The following STAT4 variants were observed in gnomAD, a reference collection of about 807,000 sequenced individuals.
The protein encoded by STAT4 is signal transducer and activator of transcription 4.
A neutral mutation model predicts 110.5 loss-of-function variants in STAT4; 42 were observed. The observed-to-expected ratio is 0.38, with a 90% CI of 0.30 to 0.49. The LOEUF (loss-of-function observed/expected upper bound fraction) is 0.49. Among genes scored for constraint, STAT4 ranks in the 20% least tolerant of loss-of-function variants. The pLI, the probability that STAT4 is intolerant of heterozygous loss-of-function variation, is 0.95. For synonymous variants in STAT4, 284 were observed against 302.2 expected (o/e 0.94, Z 0.63); for missense variants, 632 against 887.9 (o/e 0.71, Z 3.66).
chr2:191,048,073 C>CA (rs1442175280), intron 14 of STAT4, among the ~76,000 whole-genome samples: 1 of 152,208 alleles, frequency 6.6e-6, no homozygotes, highest in East Asian at 1.9e-4. Context: ...ATATCAGGGT[C>CA]TTAAAAGTGT....
chr2:191,047,447 A>T (rs1372747762), intron 14 of STAT4, among the ~76,000 whole-genome samples: 2 of 152,152 alleles, frequency 1.3e-5, no homozygotes, highest in African/African-American at 4.8e-5. Flanking sequence ...GACTTGTGGG[A>T]CTAAGTCCTT....
Position 191,146,891 on chromosome 2 carries a change from T to C in STAT4, c.129-134A>G, listed in dbSNP as rs867038865. 1.2e-6 allele frequency: 1 copy of C among 840,162 alleles called. No individual in the cohort carries two copies. The allele number at this position is 840,162 out of a possible 1,614,324, so 52.0% of individuals were successfully genotyped here. ...TAAAAGTTTTAAAAAATTAAATTGT[T>C]AACATGAAGAGATGCTCAACATCAC... On this transcript the variant is annotated intron_variant, in intron 2 of 23. Transcript: ENST00000392320. The surrounding 1 kb of genome is among the most constrained non-coding windows in gnomAD (Gnocchi z 4.5).
rs1696520127 is a variant in STAT4 at position 191,051,470 on chromosome 2, G to A, written c.1251+3020C>T. On this transcript the variant is annotated intron_variant, in intron 14 of 23. Transcript: ENST00000392320. The surrounding 1 kb of genome is among the most constrained non-coding windows in gnomAD (Gnocchi z 5.6). ...GGAAATTGGGAGTTAGAGAGGCTAA[G>A]TGGCTTGTGCAAGCTCAGATTGCCT... Among the ~76,000 whole-genome samples, 1 of 152,242 alleles carries A rather than the reference G, an allele frequency of 6.6e-6. No individual in the cohort carries two copies.
In STAT4 at chr2:191,066,616, T is replaced by C. The variant is rs1338308748; in HGVS notation, c.545-101A>G. The C allele has an allele frequency of 3.7e-6, 4 of 1,068,214 alleles. No individual in the cohort carries two copies. Among genetic ancestry groups the C allele is most frequent in the Non-Finnish European group, 5.5e-6 (4 of 723,818 alleles). 66.2% of individuals were successfully genotyped at this position (1,068,214 alleles called of 1,614,324 possible). ...AAACAGCCCTGGCCCGGAGAACTTA[T>C]GTGGTAAGAGACTAATTGGGTTCAC... is the stretch of plus-strand genomic sequence containing the variant. On this transcript the variant is annotated intron_variant, in intron 6 of 23. Transcript: ENST00000392320. This position sits in a 1 kb window ranked among gnomAD's most constrained non-coding sequence, Gnocchi z 4.3.
rs1034981039 is a variant in STAT4 at position 191,051,353 on chromosome 2, C to G, written c.1251+3137G>C. Among the ~76,000 whole-genome samples the G allele has an allele frequency of 1.3e-5, 2 of 152,236 alleles. No homozygotes were observed. The highest frequency in any genetic ancestry group is 1.3e-4 in the Admixed American group (2 of 15,288). On this transcript the variant is annotated intron_variant, in intron 14 of 23. Transcript: ENST00000392320. This position sits in a 1 kb window ranked among gnomAD's most constrained non-coding sequence, Gnocchi z 5.6. Reference sequence around the variant, plus strand: ...GTAAATGCCATCACCAACATCTACACAGCCCACCACCACTGACTCACACAC... The same window carrying G: ...GTAAATGCCATCACCAACATCTACAGAGCCCACCACCACTGACTCACACAC...
intron 3 of STAT4, among the ~76,000 whole-genome samples, chr2:191,114,431 G>A (rs1288256963): frequency 6.6e-6 from 1 of 152,074 alleles, no homozygotes; most frequent in Non-Finnish European, 1.5e-5. Context: ...ATAGAATAGT[G>A]GTGAAAGCAA....
rs766986053 is a variant in STAT4, at chr2:191,031,552, AT to A, written c.2045-37del. The A allele has an allele frequency of 1.9e-6, 3 of 1,569,620 alleles. No homozygotes were observed. The highest frequency in any genetic ancestry group is 1.1e-5 in the South Asian group (1 of 88,210). ...AAAAGGCACAATGTTGGGGAAAAAA[AT>A]GTCAATATTATCAATAAAACTGGGG... On this transcript the variant is annotated intron_variant, in intron 21 of 23. Transcript: ENST00000392320. The surrounding 1 kb of genome is among the most constrained non-coding windows in gnomAD (Gnocchi z 4.8).
chr2:191,112,075 T>C lies in STAT4; in HGVS notation c.273+34538A>G, dbSNP rs1047402131. ...TATCTTGATTGTGATAATGGTTTCA[T>C]GGGTATACACTTATGTCAAAACTTG... On this transcript the variant is annotated intron_variant, in intron 3 of 23. Transcript: ENST00000392320. This position sits in a 1 kb window ranked among gnomAD's most constrained non-coding sequence, Gnocchi z 4.3. 1.3e-5 allele frequency among the ~76,000 whole-genome samples: 2 copies of C among 152,198 alleles called. No individual in the cohort carries two copies. The highest frequency in any genetic ancestry group is 2.1e-4 in the South Asian group (1 of 4,834).
chr2:191,117,761 G>A lies in STAT4; in HGVS notation c.273+28852C>T, dbSNP rs1345666545. Among the ~76,000 whole-genome samples the A allele has an allele frequency of 6.6e-6, 1 of 152,080 alleles. No individual in the cohort carries two copies. Among genetic ancestry groups the A allele is most frequent in the African/African-American group, 2.4e-5 (1 of 41,414 alleles). On this transcript the variant is annotated intron_variant, in intron 3 of 23. Transcript: ENST00000392320. The surrounding 1 kb of genome is among the most constrained non-coding windows in gnomAD (Gnocchi z 5.2). Reference sequence around the variant, plus strand: ...ATTGCTTATTTTTCTTCCGATGCCTGGATGCATCCCTCCTTTGTGAACTCC... The same window carrying A: ...ATTGCTTATTTTTCTTCCGATGCCTAGATGCATCCCTCCTTTGTGAACTCC...
chr2:191,072,483 A>T (rs1336877034), intron 5 of STAT4, among the ~76,000 whole-genome samples: 3 of 152,182 alleles, frequency 2.0e-5, no homozygotes, highest in Non-Finnish European at 4.4e-5. Context: ...CCCTCTGCCT[A>T]CTATTCAGAT....
intron 3 of STAT4, among the ~76,000 whole-genome samples, chr2:191,126,348 T>C (rs1484904533): frequency 6.6e-6 from 1 of 150,932 alleles, no homozygotes; most frequent in Admixed American, 6.6e-5. Flanking sequence ...GGTCTTCATC[T>C]CCATGAAATG....
chr2:191,078,226 C>T (rs2125274055), intron 3 of STAT4, among the ~76,000 whole-genome samples: 1 of 152,200 alleles, frequency 6.6e-6, no homozygotes, highest in South Asian at 2.1e-4. Flanking sequence ...CCAAGAATTA[C>T]CATTATTTGC....
rs572054712 is a variant in STAT4, at chr2:191,084,689, T to A, written c.274-8364A>T. 7.2e-5 allele frequency among the ~76,000 whole-genome samples: 11 copies of A among 152,180 alleles called. No individual in the cohort carries two copies. The South Asian group carries it at 2.3e-3, about 31-fold the overall frequency. On this transcript the variant is annotated intron_variant, in intron 3 of 23. Transcript: ENST00000392320. ...GAGAAAAATTAATCTTATAAAAAAATTCTATATGTGAGCAAGTTAGCTAAA... is the reference window on the plus strand; with the variant it reads ...GAGAAAAATTAATCTTATAAAAAAAATCTATATGTGAGCAAGTTAGCTAAA...
intron 17 of STAT4, 116 bp downstream of exon 17, chr2:191,036,048 A>G: frequency 1.6e-6 from 2 of 1,240,604 alleles, no homozygotes; most frequent in South Asian, 3.1e-5. Context: ...TATAGTAGGC[A>G]TTGAATAAAT....
rs115016968 is a variant in STAT4, at chr2:191,046,554, G to T, written c.1252-5406C>A. On this transcript the variant is annotated intron_variant, in intron 14 of 23. Transcript: ENST00000392320. The surrounding 1 kb of genome is among the most constrained non-coding windows in gnomAD (Gnocchi z 4.6). ...TGAGGTCTTCTGGGCTAAGAATTCTGGGGTCCTGGATTCTGGGTGAGCACA... is the reference window on the plus strand; with the variant it reads ...TGAGGTCTTCTGGGCTAAGAATTCTTGGGTCCTGGATTCTGGGTGAGCACA... 8.8e-3 allele frequency among the ~76,000 whole-genome samples: 1,334 copies of T among 152,292 alleles called. 13 individuals are homozygous for T. Among genetic ancestry groups the T allele is most frequent in the African/African-American group, 0.03 (1,251 of 41,544 alleles).
intron 3 of STAT4, among the ~76,000 whole-genome samples, chr2:191,108,049 G>A (rs1184539838): frequency 3.3e-5 from 5 of 152,032 alleles, no homozygotes; most frequent in Admixed American, 2.0e-4. Flanking sequence ...CCAGCACTTT[G>A]GGAGGCCTAG....
At chr2:191,095,635 G>A (rs1255880038) in intron 3 of STAT4, among the ~76,000 whole-genome samples, 1 of 152,196 alleles carries the variant, frequency 6.6e-6, no homozygotes, top group Non-Finnish European at 1.5e-5. Flanking sequence ...GAAATTTATA[G>A]CACTAAATGC....
chr2:191,034,443 A>G, intron 18 of STAT4, 105 bp downstream of exon 18: 1 of 946,030 alleles, frequency 1.1e-6, no homozygotes, highest in South Asian at 1.5e-5. Flanking sequence ...AAAAAAGAAA[A>G]ATTCTTATCT....
At position 191,058,609 on chromosome 2, in the gene STAT4, G is replaced by T; in HGVS notation, c.1094+101C>A. The T allele has an allele frequency of 2.7e-6, 2 of 731,798 alleles. No individual in the cohort carries two copies. The highest frequency in any genetic ancestry group is 1.8e-5 in the South Asian group (1 of 54,776). 45.3% of individuals were successfully genotyped at this position (731,798 alleles called of 1,614,324 possible). On this transcript the variant is annotated intron_variant, in intron 11 of 23. Transcript: ENST00000392320. The surrounding 1 kb of genome is among the most constrained non-coding windows in gnomAD (Gnocchi z 4.3). ...ACATTCATTATATAATGTTAGATAA[G>T]TAAATTTAAAAGTTCAAAATTATTC... is the stretch of plus-strand genomic sequence containing the variant.
Sources: gnomAD v4.1 joint callset for allele counts (sites outside exome capture counted in the v4.1 genomes callset) on GRCh38, gnomAD v4.1.1 for gene constraint, Gnocchi (gnomAD v3.1) non-coding constraint, MANE v1.5 for transcripts, NCBI Gene and HGNC (gene_info 2026-07-23, HGNC 2026-07-21) for gene names.